Variants in TNFSF11 observed in about 807,000 individuals in gnomAD.
TNFSF11 encodes tumor necrosis factor ligand superfamily member 11.
TNFSF11 carries 12 observed loss-of-function variants against 32.2 expected under a neutral mutation model. That is an observed-to-expected ratio of 0.37 (90% confidence interval 0.24 to 0.60). The LOEUF (loss-of-function observed/expected upper bound fraction) is 0.60, where lower values mean the gene tolerates loss of function less well. Among genes scored for constraint, TNFSF11 ranks in the 20% least tolerant of loss-of-function variants. The probability of loss-of-function intolerance (pLI) is 0.66; values close to 1 mark genes in which losing one functional copy is unlikely to be tolerated. For synonymous variants in TNFSF11, 172 were observed against 152.1 expected (o/e 1.13, Z -0.96); for missense variants, 345 against 398.0 (o/e 0.87, Z 1.13).
chr13:42,574,232 G>C lies in TNFSF11; in HGVS notation c.-72G>C. On this transcript the variant is annotated 5_prime_UTR_variant, in exon 1 of 5. Coordinates refer to ENST00000398795, the MANE Select transcript of TNFSF11 (RefSeq NM_003701.4). ...CGTCGAGGCTCCGCCGCAGCCTCCG[G>C]AGTTGGCCGCAGACAAGAAGGGGAG... The C allele has an allele frequency of 2.0e-6, 3 of 1,524,862 alleles. No individual in the cohort carries two copies. The highest frequency in any genetic ancestry group is 1.8e-6 in the Non-Finnish European group (2 of 1,128,912). 94.5% of individuals were successfully genotyped at this position (1,524,862 alleles called of 1,614,324 possible).
chr13:42,583,131 G>A (rs1536237), intron 2 of TNFSF11, among the ~76,000 whole-genome samples: 122,558 of 151,962 alleles, frequency 0.81, 49,621 homozygotes, highest in South Asian at 0.88. Context: ...ACGAACAAGG[G>A]CAGGCACGGT....
At chr13:42,583,638 CG>C (rs1218299776) in intron 2 of TNFSF11, among the ~76,000 whole-genome samples, 1 of 151,596 alleles carries the variant, frequency 6.6e-6, no homozygotes, top group Non-Finnish European at 1.5e-5. Context: ...GATGTTATTA[CG>C]AATGTAATAA....
chr13:42,573,328 T>G (rs972098034), upstream of TNFSF11, among the ~76,000 whole-genome samples: 1 of 152,226 alleles, frequency 6.6e-6, no homozygotes, highest in African/African-American at 2.4e-5. Flanking sequence ...TCAGAATTTG[T>G]GAGCAATGTT....
chr13:42,594,055 G>A (rs1868647095), intron 2 of TNFSF11, among the ~76,000 whole-genome samples: 1 of 152,118 alleles, frequency 6.6e-6, no homozygotes, highest in African/African-American at 2.4e-5. Context: ...CTCAGTTGGA[G>A]CTGAAATCTA....
intron 1 of TNFSF11, among the ~76,000 whole-genome samples, chr13:42,577,218 A>G (rs1316546490): frequency 6.6e-6 from 1 of 152,256 alleles, no homozygotes; most frequent in African/African-American, 2.4e-5. Context: ...GCAAGTCCTC[A>G]AGGAAAAGCA....
At chr13:42,578,680 C>A (rs1566375732) in intron 1 of TNFSF11, among the ~76,000 whole-genome samples, 1 of 150,968 alleles carries the variant, frequency 6.6e-6, no homozygotes, top group Non-Finnish European at 1.5e-5. Context: ...GGAAGAGGTT[C>A]AATGATTGGA....
At chr13:42,571,277 G>A (rs950497976), upstream of TNFSF11, among the ~76,000 whole-genome samples, 6 of 152,248 alleles carry the variant, frequency 3.9e-5, no homozygotes, top group African/African-American at 1.4e-4. Context: ...GGAGAGATGA[G>A]CGCTCCAGTT....
chr13:42,565,873 A>T (rs1010247529), intron 1 of TNFSF11, among the ~76,000 whole-genome samples: 2 of 152,206 alleles, frequency 1.3e-5, no homozygotes, highest in Non-Finnish European at 2.9e-5. Flanking sequence ...GTACTTAGGC[A>T]GGAAATGATG....
chr13:42,598,246 T>C (rs1329211845), intron 2 of TNFSF11, among the ~76,000 whole-genome samples: 1 of 152,054 alleles, frequency 6.6e-6, no homozygotes, highest in African/African-American at 2.4e-5. Flanking sequence ...CCCTTCCCCA[T>C]CTCTCCTCTG....
At chr13:42,573,851 A>G (rs1873159228), upstream of TNFSF11, among the ~76,000 whole-genome samples, 1 of 152,070 alleles carries the variant, frequency 6.6e-6, no homozygotes, top group South Asian at 2.1e-4. Context: ...CTGAGGTGCA[A>G]TCCTTATCCT....
intron 2 of TNFSF11, among the ~76,000 whole-genome samples, chr13:42,589,220 G>A (rs191127628): frequency 6.6e-6 from 1 of 152,224 alleles, no homozygotes; most frequent in Non-Finnish European, 1.5e-5. Context: ...CCCCAAACTG[G>A]AAGTCAGAAG....
exon 1 of TNFSF11, chr13:42,562,887 G>A (rs1872720959): frequency 1.3e-5 from 2 of 152,258 alleles, no homozygotes; most frequent in Non-Finnish European, 2.9e-5. Flanking sequence ...GACAGTCTGA[G>A]GATCATTATT....
intron 2 of TNFSF11, among the ~76,000 whole-genome samples, chr13:42,598,917 T>G (rs1270319878): frequency 1.3e-5 from 2 of 152,016 alleles, no homozygotes; most frequent in Non-Finnish European, 2.9e-5. Flanking sequence ...CCGGAGGTCT[T>G]GAGGAAATCT....
At chr13:42,583,336 T>C (rs1429549172) in intron 2 of TNFSF11, among the ~76,000 whole-genome samples, 2 of 144,398 alleles carry the variant, frequency 1.4e-5, no homozygotes, top group Admixed American at 1.5e-4. Context: ...TGCTTGGGCC[T>C]GGGAGGTGGA....
rs200226994 is a variant in TNFSF11 at position 42,606,481 on chromosome 13, C to T, written c.533-16C>T. On this transcript the variant is annotated splice_polypyrimidine_tract_variant and intron_variant, in intron 4 of 4. Transcript: ENST00000398795. ...TAAGGACTGACTTTCAAATCTTATG[C>T]CTCTCTTCTCCACAGGTTCCCATAA... The T allele has an allele frequency of 1.9e-6, 3 of 1,614,200 alleles. No homozygotes were observed.
At chr13:42,577,797 C>A (rs1014929719) in intron 1 of TNFSF11, among the ~76,000 whole-genome samples, 2 of 152,134 alleles carry the variant, frequency 1.3e-5, no homozygotes, top group African/African-American at 4.8e-5. Context: ...CGTCAAGCAT[C>A]CTGCCTCATT....
At chr13:42,583,417 TA>T (rs71747752) in intron 2 of TNFSF11, among the ~76,000 whole-genome samples, 94 of 24,644 alleles carry the variant, frequency 3.8e-3, no homozygotes, top group African/African-American at 0.016. Context: ...AAGACCCTGC[TA>T]AAAAAAAAAA....
At chr13:42,572,298 G>T (rs555518047), upstream of TNFSF11, among the ~76,000 whole-genome samples, 18 of 152,120 alleles carry the variant, frequency 1.2e-4, no homozygotes, top group South Asian at 3.1e-3. Context: ...AGATGTCAAG[G>T]AATTAAAAAC....
At chr13:42,593,585 A>G (rs2137890578) in intron 2 of TNFSF11, among the ~76,000 whole-genome samples, 1 of 152,340 alleles carries the variant, frequency 6.6e-6, no homozygotes, top group South Asian at 2.1e-4. Context: ...CTCTGCAGGA[A>G]TTGGAAACTG....
Sources: allele counts gnomAD v4.1 joint callset (sites outside exome capture counted in the v4.1 genomes callset), GRCh38; gene constraint gnomAD v4.1.1; transcripts MANE v1.5; gene names NCBI Gene and HGNC (gene_info 2026-07-23, HGNC 2026-07-21).